AFDN: variants seen among roughly 807,000 people sequenced by gnomAD.
AFDN encodes afadin, adherens junction formation factor.
AFDN carries 68 observed loss-of-function variants against 216.6 expected under a neutral mutation model. That is an observed-to-expected ratio of 0.31 (90% CI 0.26 to 0.38). The LOEUF is 0.38. Ranked by LOEUF, AFDN falls within the 10% of genes least tolerant of loss-of-function variation. The pLI, the probability that AFDN is intolerant of heterozygous loss-of-function variation, is 1.00. For synonymous variants in AFDN, 868 were observed against 853.7 expected (o/e 1.02, Z -0.29); for missense variants, 2,136 against 2,342.0 (o/e 0.91, Z 1.82).
chr6:167,831,920 G>A (rs1583071423), intron 1 of AFDN, among the ~76,000 whole-genome samples: 2 of 152,272 alleles, frequency 1.3e-5, no homozygotes, highest in Admixed American at 6.5e-5. Context: ...AAGTAGGATA[G>A]CATTTATTTT....
intron 6 of AFDN, among the ~76,000 whole-genome samples, chr6:167,885,111 C>G (rs1554291354): frequency 1.3e-5 from 2 of 152,196 alleles, no homozygotes; most frequent in Non-Finnish European, 2.9e-5. Context: ...TCTCAGCCTT[C>G]ATAGAATTGA....
chr6:167,921,649 G>C (rs1465785388), intron 21 of AFDN, among the ~76,000 whole-genome samples: 1 of 152,008 alleles, frequency 6.6e-6, no homozygotes, highest in Non-Finnish European at 1.5e-5. Flanking sequence ...ATGGTCCAGA[G>C]CTTGTTATGG....
At chr6:167,890,009 C>T (rs947835732) in intron 7 of AFDN, among the ~76,000 whole-genome samples, 3 of 152,122 alleles carry the variant, frequency 2.0e-5, no homozygotes, top group Non-Finnish European at 4.4e-5. Context: ...AACAATTTTC[C>T]CTTATTATTT....
intron 32 of AFDN, among the ~76,000 whole-genome samples, chr6:167,967,050 G>A (rs943502866): frequency 1.3e-5 from 2 of 152,218 alleles, no homozygotes; most frequent in African/African-American, 2.4e-5. Context: ...GCTGTCACAG[G>A]CGTGGGTTCA....
At chr6:167,880,165 T>C (rs540465532) in intron 5 of AFDN, among the ~76,000 whole-genome samples, 195 bp from the exon 6 acceptor site, 4 of 152,320 alleles carry the variant, frequency 2.6e-5, no homozygotes, top group African/African-American at 9.6e-5. Flanking sequence ...GGTTTCTAAG[T>C]GTCACTAGAT....
intron 2 of AFDN, among the ~76,000 whole-genome samples, chr6:167,870,086 C>G (rs1262302397): frequency 6.6e-6 from 1 of 152,136 alleles, no homozygotes; most frequent in Non-Finnish European, 1.5e-5. Flanking sequence ...AAGCTTTTAG[C>G]AAAAACCATG....
chr6:167,913,324 A>AT, intron 15 of AFDN, 79 bp from the exon 16 acceptor site: 2 of 1,410,542 alleles, frequency 1.4e-6, no homozygotes, highest in African/African-American at 1.4e-5. Flanking sequence ...TAGTGTTTTG[A>AT]TTTTTTTAAA....
At chr6:167,955,439 T>C (rs78159211) in intron 30 of AFDN, among the ~76,000 whole-genome samples, 19,619 of 152,142 alleles carry the variant, frequency 0.13, 1,514 homozygotes, top group South Asian at 0.22. Context: ...TTAAAAGTTA[T>C]ACATTTTTCT....
In AFDN at chr6:167,872,416, C is replaced by G. The variant is rs761117235; in HGVS notation, c.578+39C>G. The G allele has an allele frequency of 2.5e-6, 4 of 1,571,302 alleles. No homozygotes were observed. In the Admixed American group the frequency reaches 7.9e-5, roughly 31 times the overall value. On this transcript the variant is annotated intron_variant, in intron 4 of 33. Coordinates refer to ENST00000683244, the MANE Select transcript of AFDN (RefSeq NM_001386888.1). ...GGAAATGTTCCCCTTTCTTTGTGCT[C>G]CAAATCAGATGTTTTTGTTGCACCA... is the stretch of plus-strand genomic sequence containing the variant.
chr6:167,957,783 C>T (rs577609655), intron 30 of AFDN, among the ~76,000 whole-genome samples: 61 of 151,184 alleles, frequency 4.0e-4, no homozygotes, highest in African/African-American at 1.4e-3. Flanking sequence ...TGGCTGCAGC[C>T]TCGAGAAGTA....
rs114975686 is a variant in AFDN at position 167,898,754 on chromosome 6, A to T, written c.1580+287A>T. Among the ~76,000 whole-genome samples, 887 of 152,316 alleles carry T rather than the reference A, an allele frequency of 5.8e-3. 16 individuals carry two copies. Among genetic ancestry groups the T allele is most frequent in the African/African-American group, 0.021 (855 of 41,564 alleles). On this transcript the variant is annotated intron_variant, in intron 11 of 33. Transcript: ENST00000683244. ...ACAGTACCTTTTCTTTTGTGAAAAA[A>T]ACATGGTGTTCTTTGTAATTATTCA...
chr6:167,857,237 T>C (rs1217170449), intron 1 of AFDN, among the ~76,000 whole-genome samples: 3 of 77,956 alleles, frequency 3.8e-5, no homozygotes, highest in Non-Finnish European at 1.1e-4. Context: ...GGGGTGGGGA[T>C]AGTTGATATT....
Position 167,891,408 on chromosome 6 carries a change from G to GGTGT in AFDN, c.1177+419_1177+422dup, listed in dbSNP as rs71004178. Among the ~76,000 whole-genome samples, 185 of 72,096 alleles carry GGTGT rather than the reference G, an allele frequency of 2.6e-3. 3 individuals are homozygous for GGTGT. Among genetic ancestry groups the GGTGT allele is most frequent in the East Asian group, 0.018 (69 of 3,884 alleles). 47.3% of individuals were successfully genotyped at this position (72,096 alleles called of 152,430 possible). A position where few individuals can be genotyped will look rare whatever the true frequency, so the allele number is the denominator to read the frequency against. ...CTAGGGCAGATTTCATAAAGGGGTG[G>GGTGT]GTGTGTGTGTGTGTGTGTGTGTGTG... On this transcript the variant is annotated intron_variant, in intron 8 of 33. Coordinates refer to ENST00000683244, the MANE Select transcript of AFDN (RefSeq NM_001386888.1).
intron 16 of AFDN, 114 bp downstream of exon 16, chr6:167,913,537 T>C: frequency 2.1e-6 from 2 of 949,764 alleles, no homozygotes; most frequent in Non-Finnish European, 3.2e-6. Context: ...ATAACACTCA[T>C]TCAGCAACTG....
chr6:167,864,913 G>T (rs1435622837), intron 2 of AFDN, 167 bp downstream of exon 2: 2 of 785,396 alleles, frequency 2.5e-6, no homozygotes, highest in Non-Finnish European at 4.6e-6. Context: ...TTTATGTCTG[G>T]GAAGTGTTCT....
intron 20 of AFDN, among the ~76,000 whole-genome samples, chr6:167,918,212 C>T (rs949206707): frequency 5.3e-5 from 8 of 152,244 alleles, no homozygotes; most frequent in South Asian, 2.1e-4. Flanking sequence ...ATCAATAAAA[C>T]GTGTCTAAAT....
rs114765146 is a variant in AFDN at position 167,939,437 on chromosome 6, G to A, written c.3100-3692G>A. Among the ~76,000 whole-genome samples, 656 of 152,308 alleles carry A rather than the reference G, an allele frequency of 4.3e-3. 3 individuals are homozygous for A. Among genetic ancestry groups the A allele is most frequent in the African/African-American group, 0.015 (624 of 41,564 alleles). On this transcript the variant is annotated intron_variant, in intron 23 of 33. Coordinates refer to ENST00000683244, the MANE Select transcript of AFDN (RefSeq NM_001386888.1). The stretch of plus-strand genomic sequence containing the variant: ...AAAAACTGACCTAGGGTACCAGCTG[G>A]AAGGGAATAGGCATGCAGCATTTTC...
chr6:167,899,337 A>G (rs530487658), intron 11 of AFDN, among the ~76,000 whole-genome samples: 38 of 152,280 alleles, frequency 2.5e-4, no homozygotes, highest in Admixed American at 2.1e-3. Context: ...GTGTCAGCAA[A>G]TGACCATACC....
intron 2 of AFDN, 68 bp from the exon 3 acceptor site, chr6:167,870,318 G>A: frequency 3.4e-6 from 3 of 883,934 alleles, no homozygotes; most frequent in Non-Finnish European, 5.3e-6. Context: ...ATATCAGAAT[G>A]CTTGTATTAG....
Sources: gnomAD v4.1 joint callset for allele counts (sites outside exome capture counted in the v4.1 genomes callset) on GRCh38, gnomAD v4.1.1 for gene constraint, MANE v1.5 for transcripts, NCBI Gene and HGNC (gene_info 2026-07-23, HGNC 2026-07-21) for gene names.